TFDP1: variants seen among roughly 807,000 people sequenced by gnomAD.
TFDP1 encodes the protein DRTF1-polypeptide 1.
In TFDP1, 6 loss-of-function variants were observed where a neutral mutation model predicts 48.0. That is an observed-to-expected ratio of 0.13 (90% CI 0.07 to 0.25). The LOEUF is 0.25. TFDP1 is among the 10% of genes least tolerant of loss of function. TFDP1 has a pLI of 1.00. For synonymous variants in TFDP1, 201 were observed against 211.6 expected (o/e 0.95, Z 0.44); for missense variants, 335 against 543.0 (o/e 0.62, Z 3.81).
chr13:113,610,140 A>G (rs201532641), intron 2 of TFDP1, among the ~76,000 whole-genome samples: 1 of 149,188 alleles, frequency 6.7e-6, no homozygotes. Flanking sequence ...CTGTACTGTC[A>G]TGTGTGTGCC....
Position 113,623,145 on chromosome 13 carries a change from A to G in TFDP1, c.80-35A>G, listed in dbSNP as rs778523920. On this transcript the variant is annotated intron_variant, in intron 3 of 11. Coordinates refer to ENST00000375370, the MANE Select transcript of TFDP1 (RefSeq NM_007111.5). The surrounding 1 kb of genome is among the most constrained non-coding windows in gnomAD (Gnocchi z 5.2). ...GCTTGTAGCCTTAACTTAGAAAAGG[A>G]GTCTCGCCCTTGACCTGGTGTCCTT... 1.3e-6 allele frequency: 2 copies of G among 1,573,196 alleles called. No individual in the cohort carries two copies. The highest frequency in any genetic ancestry group is 2.3e-5 in the South Asian group (2 of 87,706).
At chr13:113,632,167 G>A (rs572871999) in intron 5 of TFDP1, among the ~76,000 whole-genome samples, 5 of 152,188 alleles carry the variant, frequency 3.3e-5, no homozygotes, top group Admixed American at 6.5e-5. Flanking sequence ...GGGTGGTCCC[G>A]CCAGAGCTGC....
At chr13:113,593,495 G>A (rs1385813969) in intron 2 of TFDP1, among the ~76,000 whole-genome samples, 1 of 145,076 alleles carries the variant, frequency 6.9e-6, no homozygotes, top group East Asian at 2.1e-4. Flanking sequence ...GCCGTGCCCA[G>A]GTGACAGGTG....
rs1355746143 is a variant in TFDP1, at chr13:113,623,565, G to A, written c.186+279G>A. On this transcript the variant is annotated intron_variant, in intron 4 of 11. Transcript: ENST00000375370. The surrounding 1 kb of genome is among the most constrained non-coding windows in gnomAD (Gnocchi z 5.2). ...TAACTGGAGGGTGGTGGGTGGGGCC[G>A]CGGCCCCAACCAGAGGCAGCTTCCT... Among the ~76,000 whole-genome samples, 4 of 152,094 alleles carry A rather than the reference G, an allele frequency of 2.6e-5. No individual in the cohort carries two copies. The highest frequency in any genetic ancestry group is 2.0e-4 in the Admixed American group (3 of 15,286).
chr13:113,605,201 G>A (rs1444202833), intron 2 of TFDP1, among the ~76,000 whole-genome samples: 1 of 152,144 alleles, frequency 6.6e-6, no homozygotes, highest in Admixed American at 6.5e-5. Flanking sequence ...TCCAGGAAAG[G>A]GGTGGGTGTC....
Position 113,631,818 on chromosome 13 carries a change from C to T in TFDP1, c.308+74C>T, listed in dbSNP as rs2049344285. 6.9e-6 allele frequency: 11 copies of T among 1,583,370 alleles called. 1 individual carries two copies. The South Asian group carries it at 9.2e-5, about 13-fold the overall frequency. ...CGCACCTCCACGTTCTCCTGGGCCA[C>T]GTGTGTCACACAGTCGTGCGATGGG... is the stretch of plus-strand genomic sequence containing the variant. On this transcript the variant is annotated intron_variant, in intron 5 of 11. Transcript: ENST00000375370.
intron 4 of TFDP1, among the ~76,000 whole-genome samples, chr13:113,624,851 TCTCTCAC>T (rs2049091591): frequency 6.8e-6 from 1 of 146,820 alleles, no homozygotes; most frequent in Admixed American, 6.7e-5. Context: ...TTCTCAGGTG[TCTCTCAC>T]GTGTCCTCAG....
At chr13:113,610,379 C>A (rs913114120) in intron 2 of TFDP1, among the ~76,000 whole-genome samples, 1 of 152,038 alleles carries the variant, frequency 6.6e-6, no homozygotes, top group African/African-American at 2.4e-5. Context: ...ACACGTGTGA[C>A]CCCGCTGTGT....
chr13:113,638,069 T>C (rs2049541479), intron 11 of TFDP1, among the ~76,000 whole-genome samples, 173 bp downstream of exon 11: 1 of 152,210 alleles, frequency 6.6e-6, no homozygotes, highest in Non-Finnish European at 1.5e-5. Flanking sequence ...AGAGCTGCTT[T>C]TCTTAGTTGG....
chr13:113,630,178 CA>C (rs1390220077), intron 4 of TFDP1, among the ~76,000 whole-genome samples: 6 of 151,918 alleles, frequency 3.9e-5, no homozygotes, highest in African/African-American at 1.5e-4. Flanking sequence ...CACACACACA[CA>C]CACGCGTATT....
chr13:113,617,466 GTTCAC>G lies in TFDP1; in HGVS notation c.80-5713_80-5709del, dbSNP rs1566659377. ...TGCAGAGCCGCTCACCTGCAGAACC[GTTCAC>G]CTGCAGAGCCCTTCACCTGCAGAAC... On this transcript the variant is annotated intron_variant, in intron 3 of 11. Transcript: ENST00000375370. Among the ~76,000 whole-genome samples, 511 of 139,930 alleles carry G rather than the reference GTTCAC, an allele frequency of 3.7e-3. 15 individuals are homozygous for G. Among genetic ancestry groups the G allele is most frequent in the African/African-American group, 0.014 (435 of 31,592 alleles). The allele number at this position is 139,930 out of a possible 152,430, so 91.8% of individuals were successfully genotyped here.
intron 8 of TFDP1, among the ~76,000 whole-genome samples, chr13:113,635,636 G>A (rs1458855357): frequency 6.6e-6 from 1 of 152,212 alleles, no homozygotes; most frequent in African/African-American, 2.4e-5. Context: ...CCCTGTAGGT[G>A]CCATGGTGGT....
At chr13:113,592,343 G>A (rs2048166584) in intron 2 of TFDP1, among the ~76,000 whole-genome samples, 1 of 152,240 alleles carries the variant, frequency 6.6e-6, no homozygotes, top group Admixed American at 6.5e-5. Context: ...TTTTAGTAGA[G>A]ACGGGGTTTC....
intron 2 of TFDP1, among the ~76,000 whole-genome samples, chr13:113,605,358 A>G (rs866494334): frequency 1.6e-5 from 2 of 127,524 alleles, no homozygotes; most frequent in Middle Eastern, 4.1e-3. Context: ...CTGGTTGATG[A>G]AAAGAACCAC....
In TFDP1 at chr13:113,636,599, G is replaced by A. The variant is rs754332412; in HGVS notation, c.905G>A (p.Arg302Gln). Residue 302 changes from arginine (R) to glutamine (Q), a missense_variant, in exon 10 of 12, where the codon CGG becomes CAG. This residue lies in a region of TFDP1 where 204 missense variants were observed against 287.1 expected (regional missense o/e 0.71). Coordinates refer to ENST00000375370, the MANE Select transcript of TFDP1 (RefSeq NM_007111.5). Reference sequence around the variant, plus strand: ...CACGATGACATAGAAGTGCTGAAGCGGATGGGCATGGCTTGCGGGCTGGAG... The same window carrying A: ...CACGATGACATAGAAGTGCTGAAGCAGATGGGCATGGCTTGCGGGCTGGAG... ...EIHDDIEVLK[R>Q]MGMACGLESG... 46 of 1,614,070 alleles carry A rather than the reference G, an allele frequency of 2.8e-5. No individual in the cohort carries two copies. Among genetic ancestry groups the A allele is most frequent in the Admixed American group, 2.0e-4 (12 of 60,002 alleles).
At chr13:113,625,019 G>A (rs1234960320) in intron 4 of TFDP1, among the ~76,000 whole-genome samples, 4 of 139,210 alleles carry the variant, frequency 2.9e-5, no homozygotes, top group African/African-American at 5.4e-5. Context: ...TGTCTCTCAC[G>A]TGTCCTCAGG....
intron 2 of TFDP1, among the ~76,000 whole-genome samples, chr13:113,592,715 A>G (rs1473655200): frequency 6.6e-6 from 1 of 152,226 alleles, no homozygotes; most frequent in East Asian, 1.9e-4. Flanking sequence ...TTGCCAACAC[A>G]TCCCTGGCCC....
chr13:113,632,966 G>A (rs1406661939), intron 5 of TFDP1, among the ~76,000 whole-genome samples, 154 bp from the exon 6 acceptor site: 3 of 152,248 alleles, frequency 2.0e-5, no homozygotes, highest in Non-Finnish European at 4.4e-5. Flanking sequence ...GGGCTAGGGG[G>A]TCCTGGCCTG....
chr13:113,636,160 C>T (rs1381500410), intron 9 of TFDP1, 32 bp downstream of exon 9: 12 of 1,609,856 alleles, frequency 7.5e-6, no homozygotes, highest in Non-Finnish European at 9.3e-6. Context: ...GTTCCCTGGT[C>T]ACCCATCTCT....
Sources: gnomAD v4.1 joint callset for allele counts (sites outside exome capture counted in the v4.1 genomes callset) on GRCh38, gnomAD v4.1.1 for gene constraint, gnomAD v4.1.1 regional missense constraint, Gnocchi (gnomAD v3.1) non-coding constraint, MANE v1.5 for transcripts, NCBI Gene and HGNC (gene_info 2026-07-23, HGNC 2026-07-21) for gene names.